The following IDO2 variants were observed in gnomAD, a reference collection of about 807,000 sequenced individuals.
IDO2 encodes indoleamine 2,3-dioxygenase 2, also known as indoleamine 2,3-dioxygenase-like 1 protein.
In IDO2, 46 loss-of-function variants were observed where a neutral mutation model predicts 45.1. The observed-to-expected ratio is 1.02, with a 90% CI of 0.80 to 1.30. IDO2 has a LOEUF of 1.30. Among genes scored for constraint, IDO2 ranks in the 50% most tolerant of loss-of-function variants. IDO2 has a pLI of 0.00. For synonymous variants in IDO2, 218 were observed against 184.9 expected (o/e 1.18, Z -1.45); for missense variants, 544 against 491.8 (o/e 1.11, Z -1.00).
chr8:39,978,892 G>C (rs534503796), intron 3 of IDO2, among the ~76,000 whole-genome samples, 175 bp from the exon 4 acceptor site: 1 of 152,220 alleles, frequency 6.6e-6, no homozygotes, highest in African/African-American at 2.4e-5. Flanking sequence ...TATACTACAG[G>C]GTCCTGGGTC....
intron 5 of IDO2, 50 bp from the exon 6 acceptor site, chr8:39,985,457 CT>C: frequency 6.7e-7 from 1 of 1,485,848 alleles, no homozygotes. Context: ...CTGAATTGTT[CT>C]TTTATTTTTT....
intron 1 of IDO2, among the ~76,000 whole-genome samples, chr8:39,941,625 C>T (rs529554973): frequency 4.0e-5 from 6 of 151,568 alleles, no homozygotes; most frequent in African/African-American, 1.2e-4. Flanking sequence ...ACTTGGGAAC[C>T]GAGTATAACT....
chr8:40,015,916 T>A (rs964743619), exon 11 of IDO2: 2 of 360,364 alleles, frequency 5.5e-6, no homozygotes, highest in Non-Finnish European at 9.9e-6. Context: ...AATCTAAATG[T>A]CAAAAATCAG....
At chr8:39,966,385 C>G (rs1287964006) in intron 3 of IDO2, among the ~76,000 whole-genome samples, 4 of 152,112 alleles carry the variant, frequency 2.6e-5, no homozygotes, top group Non-Finnish European at 5.9e-5. Flanking sequence ...AGTTTTTAGA[C>G]TTTACCACCA....
chr8:39,942,685 C>T (rs1563423020), intron 1 of IDO2, among the ~76,000 whole-genome samples: 1 of 152,238 alleles, frequency 6.6e-6, no homozygotes, highest in East Asian at 1.9e-4. Flanking sequence ...GACTAAGAGG[C>T]ATCAAATCAG....
chr8:39,961,931 CAG>C (rs1196705066), intron 2 of IDO2, among the ~76,000 whole-genome samples: 1 of 152,154 alleles, frequency 6.6e-6, no homozygotes, highest in Non-Finnish European at 1.5e-5. Context: ...GGGGATAAAT[CAG>C]AGATTGGTGA....
rs374005928 is a variant in IDO2 at position 39,987,862 on chromosome 8, C to T, written c.450-9C>T. 61 of 1,570,340 alleles carry T rather than the reference C, an allele frequency of 3.9e-5. No individual in the cohort carries two copies. Among genetic ancestry groups the T allele is most frequent in the Non-Finnish European group, 5.2e-6 (6 of 1,145,590 alleles). On this transcript the variant is annotated splice_polypyrimidine_tract_variant and intron_variant, in intron 6 of 10. Transcript: ENST00000502986. Reference sequence around the variant, plus strand: ...ACACCTCTAATCATGTGCTCCTCTCCTTCCCAAGGAACCTGGAGACCATCA... The same window carrying T: ...ACACCTCTAATCATGTGCTCCTCTCTTTCCCAAGGAACCTGGAGACCATCA...
Position 40,015,312 on chromosome 8 carries a change from C to G in IDO2, c.934C>G (p.His312Asp), listed in dbSNP as rs748192172. 3.7e-6 allele frequency: 6 copies of G among 1,613,758 alleles called. No homozygotes were observed. The East Asian group carries it at 1.3e-4, about 36-fold the overall frequency. ...CCATAAGGCCTTCATAGAAGACATC[C>G]ACTCAGCACCTTCCCTGAGGGACTA... Residue 312 changes from histidine to aspartate, a missense_variant, in exon 11 of 11, where the codon CAC (histidine) becomes GAC (aspartate). Physicochemically the swap from His to Asp is moderately conservative, Grantham distance 81. Transcript: ENST00000502986.
chr8:40,010,058 A>G (rs997793693), intron 9 of IDO2, among the ~76,000 whole-genome samples: 1 of 152,072 alleles, frequency 6.6e-6, no homozygotes, highest in Non-Finnish European at 1.5e-5. Flanking sequence ...ATGGACAATT[A>G]ATACACAAGT....
intron 1 of IDO2, among the ~76,000 whole-genome samples, chr8:39,943,778 C>T (rs903592805): frequency 5.4e-5 from 8 of 148,642 alleles, no homozygotes; most frequent in Admixed American, 4.7e-4. Flanking sequence ...TAGCTAACAT[C>T]ATACTGAATG....
intron 8 of IDO2, among the ~76,000 whole-genome samples, chr8:40,001,622 G>A (rs1229235928): frequency 6.6e-6 from 1 of 151,616 alleles, no homozygotes. Flanking sequence ...CACTCTGAAG[G>A]CTGATTTTTG....
intron 3 of IDO2, among the ~76,000 whole-genome samples, chr8:39,967,611 C>T (rs2129593987): frequency 6.6e-6 from 1 of 152,174 alleles, no homozygotes; most frequent in Non-Finnish European, 1.5e-5. Context: ...CCTCAGCTTC[C>T]CGAGTAGCTG....
rs1808018511 is a variant in IDO2 at position 39,962,730 on chromosome 8, TC to T, written c.100-874del. On this transcript the variant is annotated intron_variant, in intron 2 of 10. Coordinates refer to ENST00000502986, the Ensembl canonical transcript of IDO2. ...ACACAAACTGAAAAGGCTAGGCTCC[TC>T]CCCAGCATAAGGCATGAATTCCTGG... Among the ~76,000 whole-genome samples, 5 of 152,284 alleles carry T rather than the reference TC, an allele frequency of 3.3e-5. 1 individual carries two copies. The South Asian group carries it at 1.0e-3, about 32-fold the overall frequency.
At chr8:39,938,357 C>T (rs1490277691) in intron 1 of IDO2, among the ~76,000 whole-genome samples, 1 of 151,970 alleles carries the variant, frequency 6.6e-6, no homozygotes, top group African/African-American at 2.4e-5. Context: ...TGAATTTTAT[C>T]AGGAAATATA....
At chr8:39,991,378 A>C (rs1181877187) in intron 8 of IDO2, among the ~76,000 whole-genome samples, 1 of 152,166 alleles carries the variant, frequency 6.6e-6, no homozygotes, top group Non-Finnish European at 1.5e-5. Flanking sequence ...TGAGTCCATC[A>C]CTTAGGATAG....
intron 1 of IDO2, among the ~76,000 whole-genome samples, chr8:39,936,216 G>T (rs1051533352): frequency 3.9e-5 from 6 of 152,080 alleles, no homozygotes; most frequent in African/African-American, 7.2e-5. Context: ...ATTTTACAAG[G>T]TACTGTAGAT....
chr8:39,979,718 T>C (rs1808313702), intron 4 of IDO2, among the ~76,000 whole-genome samples: 1 of 152,244 alleles, frequency 6.6e-6, no homozygotes, highest in Non-Finnish European at 1.5e-5. Context: ...AATTTGTTTT[T>C]TAAACTGGTA....
chr8:39,958,359 G>A lies in IDO2; in HGVS notation c.100-5249G>A, dbSNP rs190825090. 3.0e-3 allele frequency among the ~76,000 whole-genome samples: 450 copies of A among 150,298 alleles called. 2 individuals are homozygous for A. Among genetic ancestry groups the A allele is most frequent in the Admixed American group, 0.025 (384 of 15,116 alleles). On this transcript the variant is annotated intron_variant, in intron 2 of 10. Transcript: ENST00000502986. ...GGCGATTCTCCCGCCTCAGCCTCCC[G>A]AACAGCTGGGGTTACAGATGCCTGC...
chr8:39,994,042 A>G (rs1483403005), intron 8 of IDO2, among the ~76,000 whole-genome samples: 5 of 152,164 alleles, frequency 3.3e-5, no homozygotes. Context: ...TTCACAATAT[A>G]TTGTTAAGTG....
Sources: allele counts gnomAD v4.1 joint callset (sites outside exome capture counted in the v4.1 genomes callset), GRCh38; gene constraint gnomAD v4.1.1; transcripts MANE v1.5; gene names NCBI Gene and HGNC (gene_info 2026-07-23, HGNC 2026-07-21).